DISP3: variants seen among roughly 807,000 people sequenced by gnomAD.
DISP3 encodes the protein dispatched RND transporter family member 3.
In DISP3, 101 loss-of-function variants were observed where a neutral mutation model predicts 135.3. The ratio of observed to expected loss-of-function variants is 0.75; its 90% CI spans 0.64 to 0.88. The LOEUF is 0.88. Among genes scored for constraint, DISP3 ranks in the 40% least tolerant of loss-of-function variants. The pLI is 0.00. For synonymous variants in DISP3, 856 were observed against 817.0 expected (o/e 1.05, Z -0.81); for missense variants, 1,713 against 1,878.6 (o/e 0.91, Z 1.63).
At chr1:11,533,737 G>GCACACACGCA (rs1277195286) in intron 17 of DISP3, 2 of 556,160 alleles carry the variant, frequency 3.6e-6, no homozygotes, top group Non-Finnish European at 3.2e-6. Flanking sequence ...AGACACGCAT[G>GCACACACGCA]CACACACACA....
At chr1:11,486,713 T>C (rs1641045733) in intron 1 of DISP3, among the ~76,000 whole-genome samples, 1 of 152,140 alleles carries the variant, frequency 6.6e-6, no homozygotes, top group Admixed American at 6.5e-5. Context: ...ATAAGCTCTC[T>C]GTCATCCAGG....
In DISP3 at chr1:11,519,301, T is replaced by G. The variant is rs199949410; in HGVS notation, c.1890-54T>G. ...TGATCCTCAGGGCCCTGCCCCACCC[T>G]CCCTGGGTACCCAGGACCCTCTGGT... is the stretch of plus-strand genomic sequence containing the variant. On this transcript the variant is annotated intron_variant, in intron 7 of 20. Transcript: ENST00000294484. This position sits in a 1 kb window ranked among gnomAD's most constrained non-coding sequence, Gnocchi z 4.3. 2.6e-6 allele frequency: 4 copies of G among 1,526,654 alleles called. No individual in the cohort carries two copies. Among genetic ancestry groups the G allele is most frequent in the Non-Finnish European group, 3.6e-6 (4 of 1,111,420 alleles). 94.6% of individuals were successfully genotyped at this position (1,526,654 alleles called of 1,614,324 possible). A position where few individuals can be genotyped will look rare whatever the true frequency, so the allele number is the denominator to read the frequency against.
At chr1:11,514,274 G>A in intron 3 of DISP3, 116 bp from the exon 4 acceptor site, 1 of 1,264,768 alleles carries the variant, frequency 7.9e-7, no homozygotes, top group East Asian at 2.4e-5. Flanking sequence ...ATCCAACCAA[G>A]GTAGAGTCAC....
rs542549075 is a variant in DISP3, at chr1:11,486,685, AT to A, written c.-4+7327del. Among the ~76,000 whole-genome samples the A allele has an allele frequency of 3.1e-3, 448 of 144,894 alleles. 1 individual carries two copies. The highest frequency in any genetic ancestry group is 3.6e-3 in the Middle Eastern group (1 of 276). On this transcript the variant is annotated intron_variant, in intron 1 of 20. Transcript: ENST00000294484. ...AAGACATCACTAAGTTAAGATTAAG[AT>A]TTTTTTTTTTTTTAAGATAAGCTCT...
chr1:11,479,610 A>G (rs1267473210), intron 1 of DISP3, among the ~76,000 whole-genome samples: 1 of 152,080 alleles, frequency 6.6e-6, no homozygotes, highest in Non-Finnish European at 1.5e-5. Flanking sequence ...GCTCCGCACC[A>G]TCTCCCCGCG....
chr1:11,501,911 G>A lies in DISP3; in HGVS notation c.919G>A (p.Asp307Asn), dbSNP rs1641546756. ...CCATGAGATCGAGCGCAAGATCATG[G>A]ACCACCCAGGCTTCCGGGAGTTCTG... ...TIHEIERKIM[D>N]HPGFREFCWK... The change falls in exon 2 of 21, where the codon GAC (aspartate) becomes AAC (asparagine). Residue 307 changes from aspartate to asparagine, a missense_variant. By Grantham distance (23) the Asp-to-Asn change is conservative (BLOSUM62 1). This residue lies in a region of DISP3 where 571 missense variants were observed against 494.1 expected (regional missense o/e 1.16). Transcript: ENST00000294484. This position sits in a 1 kb window ranked among gnomAD's most constrained non-coding sequence, Gnocchi z 4.9. 6.2e-7 allele frequency: 1 copy of A among 1,613,436 alleles called. No individual in the cohort carries two copies. The highest frequency in any genetic ancestry group is 2.2e-5 in the East Asian group (1 of 44,890).
Position 11,532,975 on chromosome 1 carries a change from G to A in DISP3, c.3375+1265G>A, listed in dbSNP as rs141024121. On this transcript the variant is annotated intron_variant, in intron 17 of 20. Coordinates refer to ENST00000294484, the MANE Select transcript of DISP3 (RefSeq NM_020780.2). ...CCCACCTCGGCCTCCCAAAGTGCTG[G>A]GATTACAGGCATGAGCCACTGCATC... Among the ~76,000 whole-genome samples the A allele has an allele frequency of 2.4e-3, 362 of 152,126 alleles. 3 individuals are homozygous for A. The highest frequency in any genetic ancestry group is 8.6e-3 in the African/African-American group (355 of 41,498).
Position 11,536,294 on chromosome 1 carries a change from C to T in DISP3, c.3817-30C>T, listed in dbSNP as rs374219863. On this transcript the variant is annotated intron_variant, in intron 20 of 20. Coordinates refer to ENST00000294484, the MANE Select transcript of DISP3 (RefSeq NM_020780.2). This position sits in a 1 kb window ranked among gnomAD's most constrained non-coding sequence, Gnocchi z 4.3. ...TGGCCAGAGGGGTCCCGCAGGCAGG[C>T]TGGGCTCCCAGCTCTCCTCTTGCCC... 6.3e-7 allele frequency: 1 copy of T among 1,580,086 alleles called. No homozygotes were observed. The highest frequency in any genetic ancestry group is 1.7e-5 in the Admixed American group (1 of 58,930).
In DISP3 at chr1:11,491,620, A is replaced by G. The variant is rs1641184776; in HGVS notation, c.-3-9370A>G. 6.6e-6 allele frequency among the ~76,000 whole-genome samples: 1 copy of G among 151,750 alleles called. No homozygotes were observed. The highest frequency in any genetic ancestry group is 2.4e-5 in the African/African-American group (1 of 41,282). ...AGTGAGATCCCATCTCAAAACAAAC[A>G]AACAAAACAAAACAAAACCCGGATT... On this transcript the variant is annotated intron_variant, in intron 1 of 20. Transcript: ENST00000294484. The surrounding 1 kb of genome is among the most constrained non-coding windows in gnomAD (Gnocchi z 4.3).
In DISP3 at chr1:11,499,232, T is replaced by A. The variant is rs1418665558; in HGVS notation, c.-3-1758T>A. On this transcript the variant is annotated intron_variant, in intron 1 of 20. Coordinates refer to ENST00000294484, the MANE Select transcript of DISP3 (RefSeq NM_020780.2). The surrounding 1 kb of genome is among the most constrained non-coding windows in gnomAD (Gnocchi z 5.2). ...GACCCCCTGCAACACCAACACACTG[T>A]AAACTGTACTCCCCACAAGGCAGGC... 1.3e-5 allele frequency among the ~76,000 whole-genome samples: 2 copies of A among 152,154 alleles called. No individual in the cohort carries two copies. Among genetic ancestry groups the A allele is most frequent in the Non-Finnish European group, 2.9e-5 (2 of 68,028 alleles).
chr1:11,482,925 G>A (rs954659307), intron 1 of DISP3, among the ~76,000 whole-genome samples: 3 of 152,256 alleles, frequency 2.0e-5, no homozygotes, highest in East Asian at 1.9e-4. Context: ...AGATTCCAAA[G>A]CATCGAAGCC....
chr1:11,495,051 T>C (rs886724268), intron 1 of DISP3, among the ~76,000 whole-genome samples: 1 of 152,126 alleles, frequency 6.6e-6, no homozygotes, highest in Non-Finnish European at 1.5e-5. Context: ...AATGGGGAAG[T>C]CCATCTGGCC....
At chr1:11,514,316 A>T (rs1243555372) in intron 3 of DISP3, 74 bp from the exon 4 acceptor site, 4 of 1,491,312 alleles carry the variant, frequency 2.7e-6, no homozygotes, top group Non-Finnish European at 2.8e-6. Flanking sequence ...ATACTCCTCT[A>T]CATGTTCACA....
intron 12 of DISP3, 73 bp downstream of exon 12, chr1:11,525,385 G>T (rs550354325): frequency 1.3e-6 from 2 of 1,523,300 alleles, no homozygotes; most frequent in Non-Finnish European, 8.9e-7. Flanking sequence ...CACACTGGTG[G>T]GCAGCCCTGG....
intron 1 of DISP3, among the ~76,000 whole-genome samples, chr1:11,480,216 T>C (rs1328230756): frequency 1.3e-5 from 2 of 152,154 alleles, no homozygotes; most frequent in Non-Finnish European, 2.9e-5. Flanking sequence ...CCCCACTCAC[T>C]GCGAGACTGC....
In DISP3 at chr1:11,536,529, TG is replaced by T. The variant is rs1293383831; in HGVS notation, c.4025del (p.Gly1342AlafsTer183). On this transcript the variant is annotated frameshift_variant, in exon 21 of 21. Coordinates refer to ENST00000294484, the MANE Select transcript of DISP3 (RefSeq NM_020780.2). LOFTEE classifies it high-confidence loss of function. This position sits in a 1 kb window ranked among gnomAD's most constrained non-coding sequence, Gnocchi z 4.3. ...LYTLTVSTAL[L>X]GIMAPSSFTR... is the part of the protein sequence containing the mutation. ...ACGCTGACCGTCAGCACCGCCCTGCTGGGCATCATGGCGCCCAGCTCTTTCA... is the reference window on the plus strand; with the variant it reads ...ACGCTGACCGTCAGCACCGCCCTGCTGGCATCATGGCGCCCAGCTCTTTCA... 6.2e-7 allele frequency: 1 copy of T among 1,613,126 alleles called. No individual in the cohort carries two copies. Among genetic ancestry groups the T allele is most frequent in the East Asian group, 2.2e-5 (1 of 44,880 alleles).
Position 11,499,459 on chromosome 1 carries a change from C to T in DISP3, c.-3-1531C>T, listed in dbSNP as rs537747121. 2.6e-5 allele frequency among the ~76,000 whole-genome samples: 4 copies of T among 152,266 alleles called. No individual in the cohort carries two copies. Among genetic ancestry groups the T allele is most frequent in the African/African-American group, 9.6e-5 (4 of 41,566 alleles). On this transcript the variant is annotated intron_variant, in intron 1 of 20. Transcript: ENST00000294484. The surrounding 1 kb of genome is among the most constrained non-coding windows in gnomAD (Gnocchi z 5.2). ...AGCTGCCTCCAGTGCGAATACAAAT[C>T]GGGACTCAGAGCAGTTACCATCCCC...
Position 11,479,242 on chromosome 1 carries a change from C to T in DISP3, c.-134C>T. 1 of 160,412 alleles carries T rather than the reference C, an allele frequency of 6.2e-6. No homozygotes were observed. The allele number at this position is 160,412 out of a possible 1,614,324, so 9.9% of individuals were successfully genotyped here. ...GAGGGGGAGCCCCAGCCTCCTGCGG[C>T]TCCGAGAAGCTTCCCCCTGCGACTT... On this transcript the variant is annotated 5_prime_UTR_variant, in exon 1 of 21. Coordinates refer to ENST00000294484, the MANE Select transcript of DISP3 (RefSeq NM_020780.2).
Position 11,501,518 on chromosome 1 carries a change from C to G in DISP3, c.526C>G (p.Pro176Ala), listed in dbSNP as rs919677541. 5 of 1,603,904 alleles carry G rather than the reference C, an allele frequency of 3.1e-6. No individual in the cohort carries two copies. The African/African-American group carries it at 6.7e-5, about 21-fold the overall frequency. ...AGCCTCCCGAGCCCCCCGCGTCATC[C>G]CCGCGGCCTCACTCGGTGGCCCAGG... ...RQASRAPRVI[P>A]AASLGGPGPY... Residue 176 changes from proline (P) to alanine (A), a missense_variant, in exon 2 of 21, where the codon CCC (proline) becomes GCC (alanine). Physicochemically the swap from Pro to Ala is conservative, Grantham distance 27. This residue lies in a region of DISP3 where 571 missense variants were observed against 494.1 expected (regional missense o/e 1.16). Coordinates refer to ENST00000294484, the MANE Select transcript of DISP3 (RefSeq NM_020780.2). The surrounding 1 kb of genome is among the most constrained non-coding windows in gnomAD (Gnocchi z 4.9).
Sources: allele counts gnomAD v4.1 joint callset (sites outside exome capture counted in the v4.1 genomes callset), GRCh38; gene constraint gnomAD v4.1.1; regional missense constraint gnomAD v4.1.1; non-coding constraint Gnocchi (gnomAD v3.1); transcripts MANE v1.5; gene names NCBI Gene and HGNC (gene_info 2026-07-23, HGNC 2026-07-21).